DPYSL2: variants seen among roughly 807,000 people sequenced by gnomAD.
DPYSL2 encodes dihydropyrimidinase like 2.
A neutral mutation model predicts 69.9 loss-of-function variants in DPYSL2; 13 were observed. The ratio of observed to expected loss-of-function variants is 0.19; its 90% CI spans 0.12 to 0.30. DPYSL2 has a LOEUF of 0.30. Among genes scored for constraint, DPYSL2 ranks in the 10% least tolerant of loss-of-function variants. The probability of loss-of-function intolerance (pLI) is 1.00; values close to 1 mark genes in which losing one functional copy is unlikely to be tolerated. For missense variants in DPYSL2, 587 were observed against 918.9 expected, an observed-to-expected ratio of 0.64 and a Z score of 4.67; for synonymous variants, 326 against 359.1, an observed-to-expected ratio of 0.91 and a Z score of 1.04.
chr8:26,538,411 C>A (rs556794536), intron 1 of DPYSL2, among the ~76,000 whole-genome samples: 12 of 152,186 alleles, frequency 7.9e-5, no homozygotes, highest in Non-Finnish European at 1.3e-4. Flanking sequence ...CTATGCTACC[C>A]CTCCCTCAGT....
At position 26,640,230 on chromosome 8, in the gene DPYSL2, A is replaced by C. The variant is rs770579583; in HGVS notation, c.1127-3209A>C. Among the ~76,000 whole-genome samples the C allele has an allele frequency of 1.3e-5, 2 of 152,200 alleles. No homozygotes were observed. Among genetic ancestry groups the C allele is most frequent in the Non-Finnish European group, 2.9e-5 (2 of 68,026 alleles). ...TTCCATTTATTCTTCATGAATGCAC[A>C]CGGGCCCCAGACTGGTTGTAAATAA... On this transcript the variant is annotated intron_variant, in intron 8 of 13. Transcript: ENST00000521913. This position sits in a 1 kb window ranked among gnomAD's most constrained non-coding sequence, Gnocchi z 4.2.
At chr8:26,623,974 C>T (rs933344471) in intron 3 of DPYSL2, 169 bp from the exon 4 acceptor site, 21 of 686,834 alleles carry the variant, frequency 3.1e-5, no homozygotes, top group African/African-American at 2.9e-4. Context: ...TGCTTTCTCC[C>T]TCTTGGATAA....
rs1231662181 is a variant in DPYSL2 at position 26,562,461 on chromosome 8, C to T, written c.355-19508C>T. The stretch of plus-strand genomic sequence containing the variant: ...GCCACAATCCACTCTCACCTTCTTA[C>T]TGGTTGCCTCTGTTTGACCCTTGCA... On this transcript the variant is annotated intron_variant, in intron 1 of 13. Transcript: ENST00000521913. This position sits in a 1 kb window ranked among gnomAD's most constrained non-coding sequence, Gnocchi z 4.9. 2.0e-5 allele frequency among the ~76,000 whole-genome samples: 3 copies of T among 152,172 alleles called. No homozygotes were observed. The highest frequency in any genetic ancestry group is 4.4e-5 in the Non-Finnish European group (3 of 68,036).
chr8:26,633,322 G>T (rs1802824148), intron 7 of DPYSL2, among the ~76,000 whole-genome samples: 1 of 152,134 alleles, frequency 6.6e-6, no homozygotes, highest in Non-Finnish European at 1.5e-5. Context: ...GATGTTCTGA[G>T]ATCTGCCTTC....
At chr8:26,578,219 C>T (rs1357555751) in intron 1 of DPYSL2, 2 of 1,613,320 alleles carry the variant, frequency 1.2e-6, no homozygotes, top group Non-Finnish European at 8.5e-7. Flanking sequence ...TGCCTTAAAG[C>T]TGCCCTCTTG....
rs1381165003 is a variant in DPYSL2 at position 26,591,503 on chromosome 8, C to T, written c.628+7520C>T. On this transcript the variant is annotated intron_variant, in intron 3 of 13. Transcript: ENST00000521913. The surrounding 1 kb of genome is among the most constrained non-coding windows in gnomAD (Gnocchi z 5.8). Reference sequence around the variant, plus strand: ...TGGCCTCTCCATTTTCCTAAGGCCCCTGCATGCCTGGAGCTGGCTGTGGGG... The same window carrying T: ...TGGCCTCTCCATTTTCCTAAGGCCCTTGCATGCCTGGAGCTGGCTGTGGGG... Among the ~76,000 whole-genome samples the T allele has an allele frequency of 1.3e-5, 2 of 152,354 alleles. No individual in the cohort carries two copies. The highest frequency in any genetic ancestry group is 4.1e-4 in the South Asian group (2 of 4,826).
At chr8:26,548,423 A>T (rs559872020) in intron 1 of DPYSL2, 7 of 179,604 alleles carry the variant, frequency 3.9e-5, no homozygotes, top group Non-Finnish European at 7.1e-5. Flanking sequence ...GCTAGAAGAG[A>T]AATAAATGAC....
rs1057366907 is a variant in DPYSL2, at chr8:26,654,982, C to T, written c.1943-633C>T. Reference sequence around the variant, plus strand: ...TCAGCCTCCCCAGTAGCTGGTACTACAGGCTTGCACCATCACGCCTGGCTA... The same window carrying T: ...TCAGCCTCCCCAGTAGCTGGTACTATAGGCTTGCACCATCACGCCTGGCTA... On this transcript the variant is annotated intron_variant, in intron 13 of 13. Transcript: ENST00000521913. This position sits in a 1 kb window ranked among gnomAD's most constrained non-coding sequence, Gnocchi z 5.0. Among the ~76,000 whole-genome samples the T allele has an allele frequency of 7.9e-5, 12 of 152,098 alleles. No individual in the cohort carries two copies. The highest frequency in any genetic ancestry group is 1.6e-4 in the Non-Finnish European group (11 of 68,018).
At chr8:26,567,417 T>TATCC (rs60972865) in intron 1 of DPYSL2, among the ~76,000 whole-genome samples, 15,434 of 151,444 alleles carry the variant, frequency 0.1, 866 homozygotes, top group Non-Finnish European at 0.12. Context: ...ACCCATCTAC[T>TATCC]ATCCATCCAT....
intron 7 of DPYSL2, among the ~76,000 whole-genome samples, chr8:26,632,748 C>T (rs1377724097): frequency 6.6e-6 from 1 of 152,238 alleles, no homozygotes; most frequent in Non-Finnish European, 1.5e-5. Flanking sequence ...TCACACTTCA[C>T]ACCCATGCAA....
At position 26,595,042 on chromosome 8, in the gene DPYSL2, A is replaced by G. The variant is rs1055011841; in HGVS notation, c.628+11059A>G. On this transcript the variant is annotated intron_variant, in intron 3 of 13. Transcript: ENST00000521913. ...TCTACCAAAATCAATCAATCAATCA[A>G]TCAATCAATAACTAAAAATAAAAAT... Among the ~76,000 whole-genome samples, 5 of 151,958 alleles carry G rather than the reference A, an allele frequency of 3.3e-5. No homozygotes were observed. In the East Asian group the frequency reaches 7.7e-4, roughly 23 times the overall value.
At position 26,564,331 on chromosome 8, in the gene DPYSL2, G is replaced by T. The variant is rs1396945953; in HGVS notation, c.355-17638G>T. ...AGCTTAACCATGTAGGAACAGCAAG[G>T]CAGGGCAATCGTGGTGAGGAGCACA... On this transcript the variant is annotated intron_variant, in intron 1 of 13. Coordinates refer to ENST00000521913, the MANE Select transcript of DPYSL2 (RefSeq NM_001197293.3). The surrounding 1 kb of genome is among the most constrained non-coding windows in gnomAD (Gnocchi z 4.8). 6.6e-6 allele frequency among the ~76,000 whole-genome samples: 1 copy of T among 152,134 alleles called. No homozygotes were observed. The highest frequency in any genetic ancestry group is 2.4e-5 in the African/African-American group (1 of 41,428).
chr8:26,584,093 C>A, intron 3 of DPYSL2, 110 bp downstream of exon 3: 1 of 1,051,086 alleles, frequency 9.5e-7, no homozygotes, highest in Non-Finnish European at 1.4e-6. Flanking sequence ...AGCCACAGTT[C>A]AATCTACCAA....
chr8:26,593,683 G>C lies in DPYSL2; in HGVS notation c.628+9700G>C, dbSNP rs992728168. 5.3e-5 allele frequency among the ~76,000 whole-genome samples: 8 copies of C among 152,190 alleles called. No individual in the cohort carries two copies. The highest frequency in any genetic ancestry group is 1.9e-4 in the African/African-American group (8 of 41,442). On this transcript the variant is annotated intron_variant, in intron 3 of 13. Transcript: ENST00000521913. This position sits in a 1 kb window ranked among gnomAD's most constrained non-coding sequence, Gnocchi z 5.7. Reference sequence around the variant, plus strand: ...AATTCCCTAAAAGGGCACTGGTTAGGACTTGGAGTAAGTGGTGATGAGCAA... The same window carrying C: ...AATTCCCTAAAAGGGCACTGGTTAGCACTTGGAGTAAGTGGTGATGAGCAA...
intron 1 of DPYSL2, among the ~76,000 whole-genome samples, chr8:26,566,295 A>G (rs1292785647): frequency 6.6e-6 from 1 of 152,164 alleles, no homozygotes; most frequent in African/African-American, 2.4e-5. Context: ...GACTCTTGGA[A>G]GGGGCCTGGG....
chr8:26,601,190 A>G (rs1801982500), intron 3 of DPYSL2, among the ~76,000 whole-genome samples: 2 of 151,754 alleles, frequency 1.3e-5, no homozygotes, highest in African/African-American at 4.8e-5. Context: ...CTATACCCTC[A>G]CTCTGTAAGA....
Position 26,648,434 on chromosome 8 carries a change from G to A in DPYSL2, c.1596+634G>A, listed in dbSNP as rs1338187650. ...TGTTAACAGGACCCAGGGCAAGTCT[G>A]TTAATGTCTTACGCTCCTCAGCTGA... On this transcript the variant is annotated intron_variant, in intron 11 of 13. Coordinates refer to ENST00000521913, the MANE Select transcript of DPYSL2 (RefSeq NM_001197293.3). The surrounding 1 kb of genome is among the most constrained non-coding windows in gnomAD (Gnocchi z 4.3). Among the ~76,000 whole-genome samples, 1 of 152,194 alleles carries A rather than the reference G, an allele frequency of 6.6e-6. No homozygotes were observed. Among genetic ancestry groups the A allele is most frequent in the Non-Finnish European group, 1.5e-5 (1 of 68,044 alleles).
intron 1 of DPYSL2, among the ~76,000 whole-genome samples, chr8:26,540,853 TGAG>T (rs1296829448): frequency 1.4e-5 from 2 of 148,040 alleles, no homozygotes; most frequent in Non-Finnish European, 3.0e-5. Flanking sequence ...TGCAGTGGGC[TGAG>T]ATCATGCCAT....
rs1400601008 is a variant in DPYSL2, at chr8:26,591,716, G to A, written c.628+7733G>A. 2.0e-5 allele frequency among the ~76,000 whole-genome samples: 3 copies of A among 152,230 alleles called. No individual in the cohort carries two copies. The highest frequency in any genetic ancestry group is 2.9e-5 in the Non-Finnish European group (2 of 68,038). ...CTCTGGTTGGAATGGTGGGTGGCAG[G>A]TGGGCTGTGGGGGAGTCCAGATCCT... On this transcript the variant is annotated intron_variant, in intron 3 of 13. Coordinates refer to ENST00000521913, the MANE Select transcript of DPYSL2 (RefSeq NM_001197293.3). This position sits in a 1 kb window ranked among gnomAD's most constrained non-coding sequence, Gnocchi z 5.8.
Sources: gnomAD v4.1 joint callset for allele counts (sites outside exome capture counted in the v4.1 genomes callset) on GRCh38, gnomAD v4.1.1 for gene constraint, Gnocchi (gnomAD v3.1) non-coding constraint, MANE v1.5 for transcripts, NCBI Gene and HGNC (gene_info 2026-07-23, HGNC 2026-07-21) for gene names.